Variants in PAX2 observed in about 807,000 individuals in gnomAD.
The protein encoded by PAX2 is paired box protein Pax-2.
In PAX2, 9 loss-of-function variants were observed where a neutral mutation model predicts 41.7. That is an observed-to-expected ratio of 0.22 (90% CI 0.13 to 0.38). The LOEUF (loss-of-function observed/expected upper bound fraction) is 0.38, where lower values mean the gene tolerates loss of function less well. Among genes scored for constraint, PAX2 ranks in the 10% least tolerant of loss-of-function variants. The pLI is 1.00. For missense variants in PAX2, 418 were observed against 531.6 expected, an observed-to-expected ratio of 0.79 and a Z score of 2.10; for synonymous variants, 221 against 212.7, an observed-to-expected ratio of 1.04 and a Z score of -0.34.
At chr10:100,739,546 G>T (rs909446763) in intron 1 of PAX2, among the ~76,000 whole-genome samples, 1 of 152,014 alleles carries the variant, frequency 6.6e-6, no homozygotes, top group East Asian at 2.0e-4. Context: ...TGCCCAGCGC[G>T]GCCCGGTCGC....
chr10:100,742,843 C>CTTTTTTTTTTTTT (rs61627823), upstream of PAX2, among the ~76,000 whole-genome samples: 161 of 41,262 alleles, frequency 3.9e-3, 54 homozygotes, highest in Non-Finnish European at 5.6e-3. Context: ...TTCTTTCTTC[C>CTTTTTTTTTTTTT]TTTTTTTTTT....
chr10:100,777,097 A>AT lies in PAX2; in HGVS notation c.411-2379dup, dbSNP rs532321832. Among the ~76,000 whole-genome samples the AT allele has an allele frequency of 0.024, 2,941 of 122,326 alleles. 189 individuals carry two copies. In the East Asian group the frequency reaches 0.26, roughly 11 times the overall value. 80.3% of individuals were successfully genotyped at this position (122,326 alleles called of 152,430 possible). A position where few individuals can be genotyped will look rare whatever the true frequency, so the allele number is the denominator to read the frequency against. ...TGAGTCTTCCCTAATTGGTACTGTG[A>AT]TTTTTTTTTTTTTTTTTTTTTTGAG... On this transcript the variant is annotated intron_variant, in intron 3 of 9. Coordinates refer to ENST00000355243, the MANE Select transcript of PAX2 (RefSeq NM_000278.5).
chr10:100,742,437 G>A (rs956455917), upstream of PAX2, among the ~76,000 whole-genome samples: 12 of 151,804 alleles, frequency 7.9e-5, 1 homozygote, highest in Middle Eastern at 0.01. Context: ...GCAGTAGCTC[G>A]GCCTGGAGGG....
chr10:100,785,573 G>A (rs1348707314), intron 5 of PAX2, among the ~76,000 whole-genome samples: 1 of 152,232 alleles, frequency 6.6e-6, no homozygotes, highest in Non-Finnish European at 1.5e-5. Flanking sequence ...TGCTTTGGAT[G>A]AAGCCATAAA....
chr10:100,816,811 G>A (rs1430731925), intron 7 of PAX2, among the ~76,000 whole-genome samples: 2 of 152,174 alleles, frequency 1.3e-5, no homozygotes, highest in African/African-American at 4.8e-5. Flanking sequence ...CTCCCCAGTG[G>A]TGGTGGCGGC....
intron 7 of PAX2, among the ~76,000 whole-genome samples, chr10:100,814,608 G>A (rs142989261): frequency 1.3e-5 from 2 of 152,332 alleles, no homozygotes; most frequent in Non-Finnish European, 2.9e-5. Flanking sequence ...CTAAGCCTCA[G>A]CAGAAAATCT....
intron 7 of PAX2, among the ~76,000 whole-genome samples, chr10:100,814,599 T>A (rs1294950408): frequency 6.6e-6 from 1 of 152,218 alleles, no homozygotes; most frequent in Non-Finnish European, 1.5e-5. Flanking sequence ...CCCAGACTGC[T>A]AAGCCTCAGC....
In PAX2 at chr10:100,745,920, C is replaced by T; in HGVS notation, c.-341C>T. 4.1e-6 allele frequency: 5 copies of T among 1,234,344 alleles called. No individual in the cohort carries two copies. Among genetic ancestry groups the T allele is most frequent in the Non-Finnish European group, 5.1e-6 (5 of 986,734 alleles). 76.5% of individuals were successfully genotyped at this position (1,234,344 alleles called of 1,614,324 possible). A position where few individuals can be genotyped will look rare whatever the true frequency, so the allele number is the denominator to read the frequency against. The stretch of plus-strand genomic sequence containing the variant: ...AGGGGAGCTGAGCGAGTCGCCTCCC[C>T]CGCCCAGCTTCAGCCCTGGCTGCAG... On this transcript the variant is annotated 5_prime_UTR_variant, in exon 1 of 10. Coordinates refer to ENST00000355243, the MANE Select transcript of PAX2 (RefSeq NM_000278.5).
rs1427197621 is a variant in PAX2, at chr10:100,824,128, A to G, written c.920-520A>G. On this transcript the variant is annotated intron_variant, in intron 7 of 9. Coordinates refer to ENST00000355243, the MANE Select transcript of PAX2 (RefSeq NM_000278.5). The surrounding 1 kb of genome is among the most constrained non-coding windows in gnomAD (Gnocchi z 6.6). ...CCTGCAGCTCCACTTGGAGAGGACA[A>G]GGAATAGCCATCAGTCCCTGTAGGG... Among the ~76,000 whole-genome samples, 1 of 152,152 alleles carries G rather than the reference A, an allele frequency of 6.6e-6. No individual in the cohort carries two copies. The highest frequency in any genetic ancestry group is 1.5e-5 in the Non-Finnish European group (1 of 68,018).
intron 5 of PAX2, among the ~76,000 whole-genome samples, chr10:100,785,945 G>A (rs187033069): frequency 1.9e-4 from 29 of 152,320 alleles, no homozygotes; most frequent in African/African-American, 6.7e-4. Flanking sequence ...AATGAAGATG[G>A]TAATGGCACT....
chr10:100,827,521 C>T lies in PAX2; in HGVS notation c.1109-22C>T. 2 of 1,611,632 alleles carry T rather than the reference C, an allele frequency of 1.2e-6. No homozygotes were observed. The highest frequency in any genetic ancestry group is 8.5e-7 in the Non-Finnish European group (1 of 1,177,718). ...TGTTTGTCCTCTCACCCAGCCCATTCTTCTCCTGTGTTAACTTCCAGGTTC... is the reference window on the plus strand; with the variant it reads ...TGTTTGTCCTCTCACCCAGCCCATTTTTCTCCTGTGTTAACTTCCAGGTTC... On this transcript the variant is annotated intron_variant, in intron 9 of 9. Transcript: ENST00000355243. The surrounding 1 kb of genome is among the most constrained non-coding windows in gnomAD (Gnocchi z 8.5).
rs566627750 is a variant in PAX2, at chr10:100,766,979, A to G, written c.411-12519A>G. ...AGACACTGCCACCAAACAATACTCA[A>G]ATTCCTCCAACTCAGTGTTACACAA... is the stretch of plus-strand genomic sequence containing the variant. On this transcript the variant is annotated intron_variant, in intron 3 of 9. Transcript: ENST00000355243. Among the ~76,000 whole-genome samples the G allele has an allele frequency of 7.9e-5, 12 of 152,308 alleles. No individual in the cohort carries two copies. The South Asian group carries it at 2.3e-3, about 29-fold the overall frequency.
intron 5 of PAX2, among the ~76,000 whole-genome samples, chr10:100,805,464 G>T (rs1847745090): frequency 6.6e-6 from 1 of 152,166 alleles, no homozygotes; most frequent in African/African-American, 2.4e-5. Flanking sequence ...CAAGGTGTGG[G>T]TTCAGAGAGA....
Position 100,775,301 on chromosome 10 carries a change from A to G in PAX2, c.411-4197A>G, listed in dbSNP as rs74152670. ...TCATCATCAACAACTGCTTTACTTCATTCATCCTTTAGCCCCGAGTGAAAT... is the reference window on the plus strand; with the variant it reads ...TCATCATCAACAACTGCTTTACTTCGTTCATCCTTTAGCCCCGAGTGAAAT... On this transcript the variant is annotated intron_variant, in intron 3 of 9. Transcript: ENST00000355243. 9.2e-3 allele frequency among the ~76,000 whole-genome samples: 1,400 copies of G among 152,302 alleles called. 26 individuals carry two copies. The highest frequency in any genetic ancestry group is 0.032 in the African/African-American group (1,319 of 41,558).
At chr10:100,805,016 TCTCACATACACA>T (rs1159265121) in intron 5 of PAX2, among the ~76,000 whole-genome samples, 13 of 67,320 alleles carry the variant, frequency 1.9e-4, no homozygotes, top group African/African-American at 5.6e-4. Flanking sequence ...TCTCTCTCTC[TCTCACATACACA>T]CACACACACA....
At position 100,824,873 on chromosome 10, in the gene PAX2, A is replaced by T; in HGVS notation, c.1021+124A>T. On this transcript the variant is annotated intron_variant, in intron 8 of 9. Coordinates refer to ENST00000355243, the MANE Select transcript of PAX2 (RefSeq NM_000278.5). The surrounding 1 kb of genome is among the most constrained non-coding windows in gnomAD (Gnocchi z 6.6). ...ACACAACGTCCCCTCCCTGCAAACC[A>T]CTGCTATTCTGTCCCTCTCTCTCCT... The T allele has an allele frequency of 1.3e-6, 2 of 1,595,656 alleles. No individual in the cohort carries two copies. The highest frequency in any genetic ancestry group is 1.7e-6 in the Non-Finnish European group (2 of 1,163,256).
Position 100,748,737 on chromosome 10 carries a change from G to A in PAX2, c.44-1009G>A, listed in dbSNP as rs1189975750. The A allele has an allele frequency of 4.1e-6, 4 of 985,374 alleles. No homozygotes were observed. Among genetic ancestry groups the A allele is most frequent in the Non-Finnish European group, 4.8e-6 (4 of 829,976 alleles). 61.0% of individuals were successfully genotyped at this position (985,374 alleles called of 1,614,324 possible). ...GCTGGAGCCGGGTTGGAAACCCCGT[G>A]CCCTTCTCTTGGCCGAAAGAGCAAA... On this transcript the variant is annotated intron_variant, in intron 1 of 9. Coordinates refer to ENST00000355243, the MANE Select transcript of PAX2 (RefSeq NM_000278.5). The surrounding 1 kb of genome is among the most constrained non-coding windows in gnomAD (Gnocchi z 5.0).
intron 5 of PAX2, among the ~76,000 whole-genome samples, chr10:100,802,961 G>A (rs748639554): frequency 1.4e-4 from 21 of 151,774 alleles, no homozygotes; most frequent in Non-Finnish European, 2.2e-4. Flanking sequence ...CCTCCTTGCC[G>A]TCCCGTCTGA....
At chr10:100,753,493 C>T (rs1455535369) in intron 3 of PAX2, among the ~76,000 whole-genome samples, 1 of 152,222 alleles carries the variant, frequency 6.6e-6, no homozygotes, top group Non-Finnish European at 1.5e-5. Flanking sequence ...AATTCTCACT[C>T]ACTGTAGGAA....
Sources: gnomAD v4.1 joint callset for allele counts (sites outside exome capture counted in the v4.1 genomes callset) on GRCh38, gnomAD v4.1.1 for gene constraint, Gnocchi (gnomAD v3.1) non-coding constraint, MANE v1.5 for transcripts, NCBI Gene and HGNC (gene_info 2026-07-23, HGNC 2026-07-21) for gene names.